The following PRKCA variants were observed in gnomAD, a reference collection of about 807,000 sequenced individuals.
PRKCA encodes protein kinase C alpha type.
PRKCA carries 27 observed loss-of-function variants against 87.0 expected under a neutral mutation model. The observed-to-expected ratio is 0.31, with a 90% CI of 0.23 to 0.43. PRKCA has a LOEUF of 0.43. Among genes scored for constraint, PRKCA ranks in the 20% least tolerant of loss-of-function variants. The pLI is 1.00. For missense variants in PRKCA, 518 were observed against 852.3 expected, an observed-to-expected ratio of 0.61 and a Z score of 4.88; for synonymous variants, 329 against 311.1, an observed-to-expected ratio of 1.06 and a Z score of -0.61.
intron 14 of PRKCA, among the ~76,000 whole-genome samples, chr17:66,781,887 AGTG>A (rs1317081376): frequency 1.1e-3 from 144 of 125,600 alleles, no homozygotes; most frequent in South Asian, 5.0e-4. Context: ...ATATATATAT[AGTG>A]TGTGTGTGTG....
intron 2 of PRKCA, among the ~76,000 whole-genome samples, chr17:66,355,631 G>A (rs556834828): frequency 6.6e-6 from 1 of 152,228 alleles, no homozygotes; most frequent in African/African-American, 2.4e-5. Context: ...TTGAGAATTG[G>A]CCCTAAGCAA....
intron 13 of PRKCA, among the ~76,000 whole-genome samples, chr17:66,754,277 A>G (rs1250536485): frequency 6.6e-6 from 1 of 152,064 alleles, no homozygotes; most frequent in Non-Finnish European, 1.5e-5. Context: ...CTTATCAAGC[A>G]GAACAGGAAG....
At chr17:66,595,190 T>A (rs1242944007) in intron 3 of PRKCA, among the ~76,000 whole-genome samples, 1 of 152,114 alleles carries the variant, frequency 6.6e-6, no homozygotes, top group Non-Finnish European at 1.5e-5. Flanking sequence ...AAATTATAGA[T>A]AAGATCTCAC....
At chr17:66,526,067 T>C (rs1967339336) in intron 3 of PRKCA, among the ~76,000 whole-genome samples, 1 of 152,236 alleles carries the variant, frequency 6.6e-6, no homozygotes, top group Admixed American at 6.5e-5. Context: ...TTGGAAATTG[T>C]GTATGCTAAC....
chr17:66,790,973 G>C (rs1380825623), intron 16 of PRKCA, among the ~76,000 whole-genome samples: 1 of 149,852 alleles, frequency 6.7e-6, no homozygotes, highest in Non-Finnish European at 1.5e-5. Flanking sequence ...TTTATTCCTG[G>C]AGCGCTACTG....
chr17:66,675,884 G>A (rs149529270), intron 5 of PRKCA, among the ~76,000 whole-genome samples: 54 of 152,292 alleles, frequency 3.5e-4, no homozygotes, highest in African/African-American at 1.2e-3. Flanking sequence ...TACCTGTAAC[G>A]TGTCCCACCC....
chr17:66,367,875 C>T (rs1908826731), intron 2 of PRKCA, among the ~76,000 whole-genome samples: 1 of 152,178 alleles, frequency 6.6e-6, no homozygotes, highest in Non-Finnish European at 1.5e-5. Context: ...TGCAAAATAG[C>T]TGCTCAATAA....
At chr17:66,538,367 C>T (rs1014922844) in intron 3 of PRKCA, among the ~76,000 whole-genome samples, 1 of 152,186 alleles carries the variant, frequency 6.6e-6, no homozygotes, top group African/African-American at 2.4e-5. Flanking sequence ...GGGAGACATC[C>T]CTCTTTGGCT....
rs537219085 is a variant in PRKCA, at chr17:66,607,069, T to C, written c.289-34286T>C. ...GCAATTACTTTTAAGTTTTAAAACATTTTTATAAATAGACCTTATATTTCT... is the reference window on the plus strand; with the variant it reads ...GCAATTACTTTTAAGTTTTAAAACACTTTTATAAATAGACCTTATATTTCT... On this transcript the variant is annotated intron_variant, in intron 3 of 16. Coordinates refer to ENST00000413366, the MANE Select transcript of PRKCA (RefSeq NM_002737.3). 3.0e-4 allele frequency among the ~76,000 whole-genome samples: 46 copies of C among 152,312 alleles called. No homozygotes were observed. The Middle Eastern group carries it at 0.01, about 34-fold the overall frequency.
At chr17:66,330,980 A>G (rs1372222473) in intron 2 of PRKCA, among the ~76,000 whole-genome samples, 1 of 152,192 alleles carries the variant, frequency 6.6e-6, no homozygotes, top group Non-Finnish European at 1.5e-5. Context: ...TAATTGTTCT[A>G]TACTTTTAAT....
intron 2 of PRKCA, among the ~76,000 whole-genome samples, chr17:66,425,910 A>G (rs942488084): frequency 1.3e-5 from 2 of 152,142 alleles, no homozygotes; most frequent in Middle Eastern, 3.2e-3. Context: ...GTCACCACAC[A>G]TATTTCGTCC....
chr17:66,757,947 G>A lies in PRKCA; in HGVS notation c.1524+15187G>A, dbSNP rs780582023. Among the ~76,000 whole-genome samples, 11 of 152,266 alleles carry A rather than the reference G, an allele frequency of 7.2e-5. 1 individual carries two copies. The Middle Eastern group carries it at 0.014, about 188-fold the overall frequency. On this transcript the variant is annotated intron_variant, in intron 13 of 16. Coordinates refer to ENST00000413366, the MANE Select transcript of PRKCA (RefSeq NM_002737.3). The stretch of plus-strand genomic sequence containing the variant: ...TCACTGTGTTAGCCAGGATGGTCTC[G>A]ATCTCCTGACCTCGTGATCCACCCG...
rs142545301 is a variant in PRKCA at position 66,746,748 on chromosome 17, C to T, written c.1524+3988C>T. Among the ~76,000 whole-genome samples, 148 of 152,240 alleles carry T rather than the reference C, an allele frequency of 9.7e-4. 2 individuals carry two copies. Among genetic ancestry groups the T allele is most frequent in the African/African-American group, 3.3e-3 (137 of 41,552 alleles). ...AGGAGCACTCATCAGAAAATGATTC[C>T]TAAAGCTGACACAGAGGGTCCTCTT... On this transcript the variant is annotated intron_variant, in intron 13 of 16. Coordinates refer to ENST00000413366, the MANE Select transcript of PRKCA (RefSeq NM_002737.3).
intron 2 of PRKCA, among the ~76,000 whole-genome samples, chr17:66,344,430 C>T (rs1281594385): frequency 6.6e-6 from 1 of 152,026 alleles, no homozygotes; most frequent in Non-Finnish European, 1.5e-5. Flanking sequence ...CTGAGGCGGG[C>T]AGATAGCTTG....
At chr17:66,777,900 T>A in intron 14 of PRKCA, 1 of 985,276 alleles carries the variant, frequency 1.0e-6, no homozygotes, top group Non-Finnish European at 1.2e-6. Context: ...GCTTCTCCCC[T>A]CTCCAAGCCT....
chr17:66,423,195 A>T (rs1025824715), intron 2 of PRKCA, among the ~76,000 whole-genome samples: 1 of 152,102 alleles, frequency 6.6e-6, no homozygotes, highest in Admixed American at 6.5e-5. Flanking sequence ...ATTGATAGTG[A>T]TTTAATTTTA....
At chr17:66,752,111 G>T (rs72838611) in intron 13 of PRKCA, among the ~76,000 whole-genome samples, 26,948 of 152,126 alleles carry the variant, frequency 0.18, 2,896 homozygotes, top group Middle Eastern at 0.3. Context: ...AGAACTTGGG[G>T]TGACATCTGT....
intron 2 of PRKCA, among the ~76,000 whole-genome samples, chr17:66,352,560 T>G (rs1033263502): frequency 1.7e-5 from 2 of 117,272 alleles, no homozygotes; most frequent in African/African-American, 6.1e-5. Context: ...TTTTTGAGGT[T>G]TTTTTTTTTT....
At chr17:66,593,184 G>A (rs1200387555) in intron 3 of PRKCA, among the ~76,000 whole-genome samples, 6 of 152,184 alleles carry the variant, frequency 3.9e-5, no homozygotes, top group Admixed American at 3.3e-4. Context: ...CTGTAATAAA[G>A]ACATATGAAA....
Sources: gnomAD v4.1 joint callset for allele counts (sites outside exome capture counted in the v4.1 genomes callset) on GRCh38, gnomAD v4.1.1 for gene constraint, MANE v1.5 for transcripts, NCBI Gene and HGNC (gene_info 2026-07-23, HGNC 2026-07-21) for gene names.